The following PRKAR2B variants were observed in gnomAD, a reference collection of about 807,000 sequenced individuals.
The protein encoded by PRKAR2B is cAMP-dependent protein kinase type II-beta regulatory subunit.
A neutral mutation model predicts 49.9 loss-of-function variants in PRKAR2B; 14 were observed. The ratio of observed to expected loss-of-function variants is 0.28; its 90% CI spans 0.19 to 0.44. The LOEUF (loss-of-function observed/expected upper bound fraction) is 0.44. Among genes scored for constraint, PRKAR2B ranks in the 20% least tolerant of loss-of-function variants. The pLI is 1.00. For synonymous variants in PRKAR2B, 196 were observed against 197.7 expected, an observed-to-expected ratio of 0.99 and a Z score of 0.07; for missense variants, 393 against 537.9, an observed-to-expected ratio of 0.73 and a Z score of 2.67.
rs528426571 is a variant in PRKAR2B at position 107,153,087 on chromosome 7, G to A, written c.844-90G>A. The A allele has an allele frequency of 1.3e-5, 10 of 799,806 alleles. No individual in the cohort carries two copies. The South Asian group carries it at 1.5e-4, about 12-fold the overall frequency. The allele number at this position is 799,806 out of a possible 1,614,324, so 49.5% of individuals were successfully genotyped here. A position where few individuals can be genotyped will look rare whatever the true frequency, so the allele number is the denominator to read the frequency against. Reference sequence around the variant, plus strand: ...ACCTACACACTGCTCGATTTATTTGGCCTATAGGCTACCAGTTTTTTACTC... The same window carrying A: ...ACCTACACACTGCTCGATTTATTTGACCTATAGGCTACCAGTTTTTTACTC... On this transcript the variant is annotated intron_variant, in intron 7 of 10. Transcript: ENST00000265717.
At chr7:107,131,704 A>T (rs1440463137) in intron 4 of PRKAR2B, among the ~76,000 whole-genome samples, 1 of 152,204 alleles carries the variant, frequency 6.6e-6, no homozygotes, top group African/African-American at 2.4e-5. Context: ...GGATATAAGT[A>T]AGTAAAATTT....
intron 2 of PRKAR2B, among the ~76,000 whole-genome samples, chr7:107,093,608 C>T (rs1344839368): frequency 1.3e-5 from 2 of 151,762 alleles, no homozygotes; most frequent in East Asian, 1.9e-4. Flanking sequence ...GTGTGCTGCA[C>T]CCGTTAACTC....
chr7:107,150,570 T>C (rs1795964739), intron 6 of PRKAR2B, among the ~76,000 whole-genome samples: 1 of 77,196 alleles, frequency 1.3e-5, no homozygotes, highest in African/African-American at 5.9e-5. Flanking sequence ...GTAGAGTACA[T>C]AACAGAGTAA....
intron 2 of PRKAR2B, among the ~76,000 whole-genome samples, chr7:107,084,533 T>C (rs1350278927): frequency 2.9e-4 from 44 of 152,248 alleles, no homozygotes; most frequent in Non-Finnish European, 1.2e-4. Flanking sequence ...CGGTTTATTA[T>C]TGCTCTTTGT....
intron 3 of PRKAR2B, 129 bp from the exon 4 acceptor site, chr7:107,128,083 T>C (rs796224985): frequency 2.2e-5 from 14 of 642,968 alleles, no homozygotes; most frequent in African/African-American, 2.0e-4. Context: ...AGCACCAACC[T>C]GAAGCAAACT....
At chr7:107,126,370 G>A (rs1297029888) in intron 3 of PRKAR2B, among the ~76,000 whole-genome samples, 3 of 141,616 alleles carry the variant, frequency 2.1e-5, no homozygotes, top group Non-Finnish European at 4.5e-5. Flanking sequence ...GCAGTGAGCT[G>A]AGATCGCACC....
intron 6 of PRKAR2B, among the ~76,000 whole-genome samples, chr7:107,147,258 G>T (rs1026788237): frequency 1.3e-5 from 2 of 152,102 alleles, no homozygotes; most frequent in African/African-American, 2.4e-5. Flanking sequence ...TTGCAGTGAA[G>T]CTGAGATTGC....
intron 3 of PRKAR2B, among the ~76,000 whole-genome samples, chr7:107,127,357 C>G (rs1490408636): frequency 6.6e-6 from 1 of 152,224 alleles, no homozygotes; most frequent in African/African-American, 2.4e-5. Flanking sequence ...GCCCCTCTAA[C>G]TCATTTTATA....
chr7:107,048,187 A>T (rs995859616), intron 1 of PRKAR2B, among the ~76,000 whole-genome samples: 1 of 152,150 alleles, frequency 6.6e-6, no homozygotes, highest in Admixed American at 6.5e-5. Context: ...TAACCTGAGT[A>T]TCCCTTATAT....
At chr7:107,111,687 G>T (rs1424998281) in intron 2 of PRKAR2B, among the ~76,000 whole-genome samples, 3 of 152,066 alleles carry the variant, frequency 2.0e-5, no homozygotes, top group Admixed American at 6.5e-5. Flanking sequence ...TAATTTTTTT[G>T]TTGGGAATTT....
intron 2 of PRKAR2B, among the ~76,000 whole-genome samples, chr7:107,101,875 CT>C (rs10589473): frequency 0.023 from 2,206 of 94,204 alleles, 27 homozygotes; most frequent in African/African-American, 0.045. Flanking sequence ...AGCCCTGATC[CT>C]TTTTTTTTTT....
intron 4 of PRKAR2B, among the ~76,000 whole-genome samples, chr7:107,131,443 G>A (rs1027022520): frequency 6.6e-6 from 1 of 152,174 alleles, no homozygotes; most frequent in Non-Finnish European, 1.5e-5. Flanking sequence ...TTTGCTTAGT[G>A]TGATTATTTT....
intron 4 of PRKAR2B, among the ~76,000 whole-genome samples, chr7:107,140,034 G>T (rs1040047410): frequency 2.0e-5 from 3 of 152,128 alleles, no homozygotes; most frequent in Non-Finnish European, 4.4e-5. Context: ...CCATTGTATT[G>T]TATTATTTCC....
chr7:107,085,236 T>G (rs910662310), intron 2 of PRKAR2B, among the ~76,000 whole-genome samples: 5 of 151,980 alleles, frequency 3.3e-5, no homozygotes, highest in Non-Finnish European at 5.9e-5. Flanking sequence ...ATGGATGGAG[T>G]GAAGAGTGGA....
intron 2 of PRKAR2B, among the ~76,000 whole-genome samples, chr7:107,119,409 G>A (rs917956318): frequency 5.9e-5 from 9 of 152,152 alleles, no homozygotes; most frequent in Non-Finnish European, 1.3e-4. Flanking sequence ...TTTGAAGATG[G>A]GGCCCATATA....
At chr7:107,127,348 C>T (rs908122640) in intron 3 of PRKAR2B, among the ~76,000 whole-genome samples, 8 of 152,162 alleles carry the variant, frequency 5.3e-5, no homozygotes, top group Non-Finnish European at 1.2e-4. Flanking sequence ...CTACCCCTTG[C>T]CCCTCTAACT....
intron 3 of PRKAR2B, among the ~76,000 whole-genome samples, chr7:107,124,542 C>G (rs1487761570): frequency 6.6e-6 from 1 of 152,154 alleles, no homozygotes; most frequent in East Asian, 1.9e-4. Flanking sequence ...CTCAGCCTCC[C>G]GAGTAGCTGG....
chr7:107,100,777 A>T (rs1794944943), intron 2 of PRKAR2B, among the ~76,000 whole-genome samples: 1 of 148,768 alleles, frequency 6.7e-6, no homozygotes, highest in African/African-American at 2.5e-5. Flanking sequence ...AGCCCACCTA[A>T]TGAGTTTTTC....
intron 2 of PRKAR2B, among the ~76,000 whole-genome samples, chr7:107,101,135 ATTTTTT>A (rs950761298): frequency 4.2e-5 from 4 of 94,692 alleles, no homozygotes; most frequent in African/African-American, 1.3e-4. Context: ...GTTGTTGCTT[ATTTTTT>A]TTTTTTTTTT....
Sources: allele counts gnomAD v4.1 joint callset (sites outside exome capture counted in the v4.1 genomes callset), GRCh38; gene constraint gnomAD v4.1.1; transcripts MANE v1.5; gene names NCBI Gene and HGNC (gene_info 2026-07-23, HGNC 2026-07-21).